Variants in PTPRG observed in about 807,000 individuals in gnomAD.
The protein encoded by PTPRG is receptor-type tyrosine-protein phosphatase gamma.
PTPRG carries 102 observed loss-of-function variants against 165.3 expected under a neutral mutation model. The observed-to-expected ratio is 0.62, with a 90% CI of 0.53 to 0.73. The LOEUF (loss-of-function observed/expected upper bound fraction) is 0.73, where lower values mean the gene tolerates loss of function less well. Among genes scored for constraint, PTPRG ranks in the 30% least tolerant of loss-of-function variants. The pLI is 0.00. For synonymous variants in PTPRG, 675 were observed against 669.5 expected (o/e 1.01, Z -0.13); for missense variants, 1,866 against 1,861.4 (o/e 1.00, Z -0.05).
intron 4 of PTPRG, among the ~76,000 whole-genome samples, chr3:62,055,033 G>A (rs1700589375): frequency 6.6e-6 from 1 of 152,106 alleles, no homozygotes; most frequent in Admixed American, 6.5e-5. Flanking sequence ...ATGATGAGTA[G>A]GAGTTTTTCA....
chr3:61,564,309 C>G (rs1699851713), intron 1 of PTPRG, among the ~76,000 whole-genome samples: 1 of 152,080 alleles, frequency 6.6e-6, no homozygotes, highest in African/African-American at 2.4e-5. Flanking sequence ...TGGAGGGCTG[C>G]CTTGCAAATT....
intron 1 of PTPRG, among the ~76,000 whole-genome samples, chr3:61,677,601 A>T (rs377575656): frequency 6.6e-6 from 1 of 152,228 alleles, no homozygotes; most frequent in African/African-American, 2.4e-5. Flanking sequence ...TAGGCCTGTG[A>T]TTAAAACCTG....
chr3:61,606,331 C>A (rs113067761), intron 1 of PTPRG, among the ~76,000 whole-genome samples: 5 of 152,268 alleles, frequency 3.3e-5, no homozygotes, highest in Admixed American at 2.0e-4. Flanking sequence ...CCAAGGCCAA[C>A]AAGGTGGTGG....
At chr3:62,289,935 A>C (rs2148901974) in intron 28 of PTPRG, among the ~76,000 whole-genome samples, 1 of 152,240 alleles carries the variant, frequency 6.6e-6, no homozygotes, top group East Asian at 1.9e-4. Context: ...AAAAAGAGGG[A>C]AAGTTCGCAT....
intron 28 of PTPRG, among the ~76,000 whole-genome samples, chr3:62,289,048 A>G (rs1387283637): frequency 3.9e-5 from 6 of 152,232 alleles, no homozygotes; most frequent in Non-Finnish European, 5.9e-5. Flanking sequence ...TAGTGAACAC[A>G]TGGTATGTGG....
chr3:61,957,870 G>T (rs925198983), intron 2 of PTPRG, among the ~76,000 whole-genome samples: 1 of 152,150 alleles, frequency 6.6e-6, no homozygotes, highest in South Asian at 2.1e-4. Flanking sequence ...ATGACACTTA[G>T]GTGGTTTGAC....
chr3:61,949,570 G>C (rs1393788455), intron 2 of PTPRG, among the ~76,000 whole-genome samples: 1 of 152,088 alleles, frequency 6.6e-6, no homozygotes, highest in East Asian at 1.9e-4. Context: ...AAACAGTATT[G>C]TCCTAATTTC....
intron 2 of PTPRG, among the ~76,000 whole-genome samples, chr3:61,768,768 G>C (rs991919926): frequency 1.3e-5 from 2 of 151,974 alleles, no homozygotes; most frequent in African/African-American, 2.4e-5. Context: ...TAGTTGTGTG[G>C]GGGAGGGTGT....
intron 15 of PTPRG, among the ~76,000 whole-genome samples, chr3:62,249,578 C>T (rs1486798766): frequency 6.6e-6 from 1 of 152,034 alleles, no homozygotes; most frequent in African/African-American, 2.4e-5. Flanking sequence ...ACTTAAGGAC[C>T]TCTGGAATCT....
chr3:61,720,443 G>C (rs933416724), intron 1 of PTPRG, among the ~76,000 whole-genome samples: 1 of 152,102 alleles, frequency 6.6e-6, no homozygotes, highest in Non-Finnish European at 1.5e-5. Context: ...TTTTAAACTC[G>C]TATTTAATTG....
At chr3:61,827,320 A>AT (rs1272623154) in intron 2 of PTPRG, among the ~76,000 whole-genome samples, 1 of 152,160 alleles carries the variant, frequency 6.6e-6, no homozygotes, top group African/African-American at 2.4e-5. Flanking sequence ...TAGGGCTTTG[A>AT]TTTTTAGTCT....
intron 6 of PTPRG, among the ~76,000 whole-genome samples, chr3:62,149,918 T>A (rs146950705): frequency 4.1e-4 from 62 of 152,326 alleles, no homozygotes; most frequent in African/African-American, 1.4e-3. Context: ...CTGTTTTCCC[T>A]CCTGCTTACT....
intron 2 of PTPRG, among the ~76,000 whole-genome samples, chr3:61,841,016 A>G (rs994035536): frequency 6.6e-6 from 1 of 152,060 alleles, no homozygotes; most frequent in African/African-American, 2.4e-5. Flanking sequence ...TCCTGACCTC[A>G]AGTGATCCAC....
At chr3:61,872,976 C>T (rs1042643763) in intron 2 of PTPRG, among the ~76,000 whole-genome samples, 1 of 152,148 alleles carries the variant, frequency 6.6e-6, no homozygotes, top group Non-Finnish European at 1.5e-5. Flanking sequence ...GATTGTGGGT[C>T]AGGCCCATCA....
At chr3:62,051,705 A>G (rs2189695) in intron 4 of PTPRG, among the ~76,000 whole-genome samples, 12,379 of 152,196 alleles carry the variant, frequency 0.081, 668 homozygotes, top group Non-Finnish European at 0.12. Flanking sequence ...GCTCAGAGAA[A>G]GGTTTTAGAA....
At chr3:62,069,721 C>G (rs2526432) in intron 4 of PTPRG, among the ~76,000 whole-genome samples, 24,532 of 148,384 alleles carry the variant, frequency 0.17, 3,143 homozygotes, top group African/African-American at 0.32. Flanking sequence ...CACACATGCA[C>G]GCACAGAGTA....
chr3:61,639,814 A>T (rs1702015807), intron 1 of PTPRG, among the ~76,000 whole-genome samples: 1 of 148,872 alleles, frequency 6.7e-6, no homozygotes, highest in Non-Finnish European at 1.5e-5. Flanking sequence ...GTTTGTCTTT[A>T]GGGTTTTCTA....
intron 1 of PTPRG, among the ~76,000 whole-genome samples, chr3:61,699,439 C>T (rs534883974): frequency 7.2e-5 from 11 of 152,236 alleles, no homozygotes; most frequent in South Asian, 2.1e-4. Context: ...CTTGGGGACC[C>T]ACAGGGGTCT....
intron 2 of PTPRG, among the ~76,000 whole-genome samples, chr3:61,885,354 G>A (rs2037998921): frequency 6.6e-6 from 1 of 151,454 alleles, no homozygotes; most frequent in Admixed American, 6.6e-5. Flanking sequence ...GATTACAGAG[G>A]CAAAAATGAT....
Sources: allele counts gnomAD v4.1 joint callset (sites outside exome capture counted in the v4.1 genomes callset), GRCh38; gene constraint gnomAD v4.1.1; transcripts MANE v1.5; gene names NCBI Gene and HGNC (gene_info 2026-07-23, HGNC 2026-07-21).